Variants in DSCAM observed in about 807,000 individuals in gnomAD.
DSCAM encodes DS cell adhesion molecule.
In DSCAM, 47 loss-of-function variants were observed where a neutral mutation model predicts 217.7. The observed-to-expected ratio is 0.22, with a 90% CI of 0.17 to 0.28. The LOEUF (loss-of-function observed/expected upper bound fraction) is 0.28. Ranked by LOEUF, DSCAM falls within the 10% of genes least tolerant of loss-of-function variation. The pLI is 1.00. For synonymous variants in DSCAM, 1,056 were observed against 1,015.3 expected, an observed-to-expected ratio of 1.04 and a Z score of -0.76; for missense variants, 2,080 against 2,618.3, an observed-to-expected ratio of 0.79 and a Z score of 4.49.
intron 11 of DSCAM, among the ~76,000 whole-genome samples, chr21:40,209,589 C>T (rs2091162372): frequency 6.6e-6 from 1 of 152,162 alleles, no homozygotes; most frequent in Non-Finnish European, 1.5e-5. Flanking sequence ...CAACATGAGA[C>T]AGATGAAATG....
In DSCAM at chr21:40,463,190, T is replaced by G. The variant is rs377159022; in HGVS notation, c.509-93945A>C. Among the ~76,000 whole-genome samples, 51 of 152,292 alleles carry G rather than the reference T, an allele frequency of 3.3e-4. No individual in the cohort carries two copies. The South Asian group carries it at 0.01, about 30-fold the overall frequency. ...AATGATGGCATTGAGAAGCTCATTA[T>G]TATTGCACACCTACTAGATAATGGC... On this transcript the variant is annotated intron_variant, in intron 3 of 32. Coordinates refer to ENST00000400454, the MANE Select transcript of DSCAM (RefSeq NM_001389.5).
At chr21:40,231,956 T>G (rs2091385870) in intron 11 of DSCAM, among the ~76,000 whole-genome samples, 1 of 152,262 alleles carries the variant, frequency 6.6e-6, no homozygotes, top group South Asian at 2.1e-4. Context: ...GAAACTGGTC[T>G]GGACACCACC....
At chr21:40,178,163 T>C (rs1208135906) in intron 15 of DSCAM, among the ~76,000 whole-genome samples, 4 of 152,190 alleles carry the variant, frequency 2.6e-5, no homozygotes, top group African/African-American at 9.7e-5. Flanking sequence ...ATTGCCTGAT[T>C]GCTCAGTTCT....
intron 28 of DSCAM, among the ~76,000 whole-genome samples, chr21:40,056,290 A>G (rs941872254): frequency 6.6e-6 from 1 of 152,196 alleles, no homozygotes; most frequent in Non-Finnish European, 1.5e-5. Flanking sequence ...AGTTTTACTA[A>G]TGGATTTGTA....
At chr21:40,585,682 C>T (rs1271896710) in intron 3 of DSCAM, among the ~76,000 whole-genome samples, 1 of 152,052 alleles carries the variant, frequency 6.6e-6, no homozygotes, top group Non-Finnish European at 1.5e-5. Context: ...ATTTGATTCC[C>T]AGTGTTGGAG....
chr21:40,785,255 A>G (rs1051499843), intron 1 of DSCAM, among the ~76,000 whole-genome samples: 3 of 152,236 alleles, frequency 2.0e-5, no homozygotes, highest in African/African-American at 4.8e-5. Context: ...TTGATTGTCT[A>G]TTATCCTCCA....
chr21:40,459,861 G>A (rs2145946076), intron 3 of DSCAM, among the ~76,000 whole-genome samples: 1 of 152,184 alleles, frequency 6.6e-6, no homozygotes, highest in African/African-American at 2.4e-5. Context: ...AGGAAAAACA[G>A]AATCAAGTAT....
chr21:40,031,453 A>C (rs2088522614), intron 32 of DSCAM, among the ~76,000 whole-genome samples: 1 of 152,214 alleles, frequency 6.6e-6, no homozygotes, highest in African/African-American at 2.4e-5. Context: ...GTATTACCCT[A>C]ACACATAAAA....
chr21:40,750,008 T>A (rs951299252), intron 1 of DSCAM, among the ~76,000 whole-genome samples: 11 of 151,770 alleles, frequency 7.2e-5, no homozygotes, highest in Non-Finnish European at 1.5e-4. Flanking sequence ...GCTCACTGGA[T>A]CCTCTACCTC....
chr21:40,504,841 C>G (rs2076197629), intron 3 of DSCAM, among the ~76,000 whole-genome samples: 1 of 149,680 alleles, frequency 6.7e-6, no homozygotes, highest in Non-Finnish European at 1.5e-5. Context: ...ACATGCATTA[C>G]TTTATTATCA....
chr21:40,405,467 C>T lies in DSCAM; in HGVS notation c.509-36222G>A, dbSNP rs141705011. On this transcript the variant is annotated intron_variant, in intron 3 of 32. Transcript: ENST00000400454. ...GCAAATAATTTTTGTGTATTTGACC[C>T]GAAAAGCACAGGCAATAAAGGGAAC... Among the ~76,000 whole-genome samples the T allele has an allele frequency of 1.1e-3, 162 of 151,832 alleles. 1 individual carries two copies. Among genetic ancestry groups the T allele is most frequent in the Admixed American group, 3.7e-3 (56 of 15,258 alleles).
intron 3 of DSCAM, among the ~76,000 whole-genome samples, chr21:40,476,468 CAT>C (rs1158429388): frequency 6.6e-6 from 1 of 152,160 alleles, no homozygotes; most frequent in Non-Finnish European, 1.5e-5. Context: ...ATCAATTTAT[CAT>C]AATAATATTG....
chr21:40,580,694 G>C (rs2076898120), intron 3 of DSCAM, among the ~76,000 whole-genome samples: 1 of 152,112 alleles, frequency 6.6e-6, no homozygotes, highest in Admixed American at 6.5e-5. Context: ...CATCTAATGG[G>C]GACAGGAAAG....
intron 3 of DSCAM, 123 bp from the exon 4 acceptor site, chr21:40,369,368 A>C: frequency 2.4e-6 from 2 of 831,016 alleles, no homozygotes; most frequent in Non-Finnish European, 3.5e-6. Flanking sequence ...AAGGCTAAAA[A>C]TGGGTGCGTG....
intron 18 of DSCAM, 123 bp from the exon 19 acceptor site, chr21:40,134,132 C>G: frequency 4.1e-6 from 5 of 1,211,818 alleles, no homozygotes; most frequent in Non-Finnish European, 5.6e-6. Context: ...CATCTGGACA[C>G]GAGAATTCTC....
chr21:40,013,366 G>A lies in DSCAM; in HGVS notation c.5707C>T (p.Pro1903Ser). 1 of 1,574,820 alleles carries A rather than the reference G, an allele frequency of 6.3e-7. No homozygotes were observed. The highest frequency in any genetic ancestry group is 2.3e-5 in the East Asian group (1 of 44,264). Reference sequence around the variant, plus strand: ...AACAAAAAGTCCATTCTAAGGTATGGAGGCAAATGTATGAGGTCACCTAGA... The same window carrying A: ...AACAAAAAGTCCATTCTAAGGTATGAAGGCAAATGTATGAGGTCACCTAGA... ...HRPGDLIHLP[P>S]YLRMDFLLNR... Residue 1903 changes from proline to serine, a missense_variant, in exon 33 of 33, where the codon CCA becomes TCA. Around this residue, in one of 5 missense-constraint regions of DSCAM, gnomAD observed 145 missense variants for 138.5 expected, o/e 1.05. Transcript: ENST00000400454.
chr21:40,389,075 G>T (rs1273186001), intron 3 of DSCAM, among the ~76,000 whole-genome samples: 1 of 152,178 alleles, frequency 6.6e-6, no homozygotes, highest in South Asian at 2.1e-4. Context: ...CATAAAAGAT[G>T]AATAGAAATC....
At chr21:40,168,362 T>C (rs988350243) in intron 15 of DSCAM, among the ~76,000 whole-genome samples, 2 of 152,102 alleles carry the variant, frequency 1.3e-5, no homozygotes, top group African/African-American at 4.8e-5. Flanking sequence ...AACTAAGAGA[T>C]GTAAAACATT....
At chr21:40,184,610 G>T (rs1250627506) in intron 14 of DSCAM, among the ~76,000 whole-genome samples, 3 of 152,098 alleles carry the variant, frequency 2.0e-5, no homozygotes, top group African/African-American at 7.2e-5. Flanking sequence ...TTCCTGCTTT[G>T]GTTATATAAA....
Sources: allele counts gnomAD v4.1 joint callset (sites outside exome capture counted in the v4.1 genomes callset), GRCh38; gene constraint gnomAD v4.1.1; regional missense constraint gnomAD v4.1.1; transcripts MANE v1.5; gene names NCBI Gene and HGNC (gene_info 2026-07-23, HGNC 2026-07-21).